SOX18: variants seen among roughly 807,000 people sequenced by gnomAD.
SOX18 encodes transcription factor SOX-18.
Under a neutral mutation model 9.1 loss-of-function variants are expected in SOX18, and 2 were observed. The ratio of observed to expected loss-of-function variants is 0.22; its 90% confidence interval spans 0.09 to 0.69. The LOEUF is 0.69. SOX18 is among the 30% of genes least tolerant of loss of function. SOX18 has a pLI of 0.80. For synonymous variants in SOX18, 292 were observed against 280.5 expected (o/e 1.04, Z -0.41); for missense variants, 542 against 567.3 (o/e 0.96, Z 0.45).
Position 64,049,556 on chromosome 20 carries a change from CGCGGCGGGCGG to C in SOX18, c.-51_-41del, listed in dbSNP as rs1285784946. On this transcript the variant is annotated 5_prime_UTR_variant, in exon 1 of 2. Transcript: ENST00000340356. ...GCCTGGGCGGAACGGAGCGCGGGAGCGCGGCGGGCGGGCGGCGGGCACTGGGGAGCCGGGCG... is the reference window on the plus strand; with the variant it reads ...GCCTGGGCGGAACGGAGCGCGGGAGCGCGGCGGGCACTGGGGAGCCGGGCG... 4 of 1,035,806 alleles carry C rather than the reference CGCGGCGGGCGG, an allele frequency of 3.9e-6. No homozygotes were observed. The highest frequency in any genetic ancestry group is 1.7e-5 in the African/African-American group (1 of 57,158). 64.2% of individuals were successfully genotyped at this position (1,035,806 alleles called of 1,614,324 possible).
Position 64,048,083 on chromosome 20 carries a change from G to A in SOX18, c.*83C>T, listed in dbSNP as rs1196908699. On this transcript the variant is annotated 3_prime_UTR_variant, in exon 2 of 2. Transcript: ENST00000340356. ...GAACCAAACATACACGCGTATGAGA[G>A]AGCAGAGCGGCAGCGACGCGGTCGG... 7.0e-6 allele frequency: 9 copies of A among 1,288,888 alleles called. No homozygotes were observed. Among genetic ancestry groups the A allele is most frequent in the African/African-American group, 5.9e-5 (4 of 67,960 alleles). 79.8% of individuals were successfully genotyped at this position (1,288,888 alleles called of 1,614,324 possible). A position where few individuals can be genotyped will look rare whatever the true frequency, so the allele number is the denominator to read the frequency against.
Position 64,048,575 on chromosome 20 carries a change from T to C in SOX18, c.746A>G (p.Tyr249Cys). ...GTCCCGCGACAACTCGGTGGGCGCG[T>C]AGGGCGCGCGGAAGGGCCGCAGCGC... ...DCALRPFRAPYAPTELSRDPG... is the reference protein window; with the variant it reads ...DCALRPFRAPCAPTELSRDPG... Residue 249 changes from tyrosine to cysteine, a missense_variant, in exon 2 of 2, where the codon TAC (tyrosine) becomes TGC (cysteine). Coordinates refer to ENST00000340356, the MANE Select transcript of SOX18 (RefSeq NM_018419.3). 1.6e-6 allele frequency: 2 copies of C among 1,227,748 alleles called. No homozygotes were observed. Among genetic ancestry groups the C allele is most frequent in the Non-Finnish European group, 2.0e-6 (2 of 987,134 alleles). 76.1% of individuals were successfully genotyped at this position (1,227,748 alleles called of 1,614,324 possible).
In SOX18 at chr20:64,048,589, G is replaced by A. The variant is rs1473859548; in HGVS notation, c.732C>T (p.Pro244=). The A allele has an allele frequency of 1.3e-5, 16 of 1,233,710 alleles. No individual in the cohort carries two copies. The highest frequency in any genetic ancestry group is 3.6e-5 in the South Asian group (1 of 27,946). The allele number at this position is 1,233,710 out of a possible 1,614,324, so 76.4% of individuals were successfully genotyped here. A position where few individuals can be genotyped will look rare whatever the true frequency, so the allele number is the denominator to read the frequency against. ...CGGTGGGCGCGTAGGGCGCGCGGAA[G>A]GGCCGCAGCGCGCAGTCCTCGGGCG... ...PAAPEDCALR[P]FRAPYAPTEL... The change falls in exon 2 of 2, where the codon CCC becomes CCT. Residue 244 remains proline (P), a synonymous_variant. Transcript: ENST00000340356.
At position 64,048,982 on chromosome 20, in the gene SOX18, G is replaced by A. The variant is rs777447475; in HGVS notation, c.359-20C>T. ...CTTTGCCTGCGGGCCGTGGGCGCCA[G>A]TGAGTGGAACGCCGTCGGGCGGGTG... On this transcript the variant is annotated intron_variant, in intron 1 of 1. Coordinates refer to ENST00000340356, the MANE Select transcript of SOX18 (RefSeq NM_018419.3). 2.0e-5 allele frequency: 31 copies of A among 1,572,304 alleles called. No individual in the cohort carries two copies. The highest frequency in any genetic ancestry group is 2.5e-5 in the Non-Finnish European group (29 of 1,167,448).
rs138553383 is a variant in SOX18 at position 64,049,284 on chromosome 20, T to A, written c.233A>T (p.Gln78Leu). ...GLSPAGRGER[Q>L]AADESRIRRP... ...CCGGATGCGCGACTCGTCTGCCGCCTGGCGTTCCCCGCGGCCGGCCGGGCT... is the reference window on the plus strand; with the variant it reads ...CCGGATGCGCGACTCGTCTGCCGCCAGGCGTTCCCCGCGGCCGGCCGGGCT... The change falls in exon 1 of 2, where the codon CAG (glutamine) becomes CTG (leucine). Residue 78 changes from glutamine (Q) to leucine (L), a missense_variant. Gln to Leu is a moderately radical substitution (Grantham distance 113). Transcript: ENST00000340356. The A allele has an allele frequency of 1.7e-5, 25 of 1,500,854 alleles. No individual in the cohort carries two copies. The African/African-American group carries it at 3.4e-4, about 20-fold the overall frequency. The allele number at this position is 1,500,854 out of a possible 1,614,324, so 93.0% of individuals were successfully genotyped here.
chr20:64,049,531 G>A lies in SOX18; in HGVS notation c.-15C>T. ...GATCTCTGCATTCCAGCTGGGCGCG[G>A]CCTGGGCGGAACGGAGCGCGGGAGC... On this transcript the variant is annotated 5_prime_UTR_variant, in exon 1 of 2. Coordinates refer to ENST00000340356, the MANE Select transcript of SOX18 (RefSeq NM_018419.3). 9.3e-7 allele frequency: 1 copy of A among 1,070,454 alleles called. No homozygotes were observed. Among genetic ancestry groups the A allele is most frequent in the East Asian group, 6.7e-5 (1 of 14,946 alleles). 66.3% of individuals were successfully genotyped at this position (1,070,454 alleles called of 1,614,324 possible).
rs777732531 is a variant in SOX18 at position 64,048,358 on chromosome 20, G to T, written c.963C>A (p.Asp321Glu). 2 of 1,585,266 alleles carry T rather than the reference G, an allele frequency of 1.3e-6. No homozygotes were observed. Among genetic ancestry groups the T allele is most frequent in the East Asian group, 4.6e-5 (2 of 43,322 alleles). The change falls in exon 2 of 2, where the codon GAC becomes GAA. Residue 321 changes from aspartate to glutamate, a missense_variant. Physicochemically the swap from Asp to Glu is conservative, Grantham distance 45. Transcript: ENST00000340356. ...ACTGGTCGAACTCGGTGAGGTCCAC[G>T]TCGGCCCACAGATCGGCGGCGGGCC... is the stretch of plus-strand genomic sequence containing the variant. ...PLGPAADLWA[D>E]VDLTEFDQYL... is the part of the protein sequence containing the mutation.
chr20:64,049,091 C>CA (rs2059416222), intron 1 of SOX18, 68 bp downstream of exon 1: 2 of 877,486 alleles, frequency 2.3e-6, no homozygotes, highest in Admixed American at 4.7e-5. Context: ...CCCCTGCCCC[C>CA]CCCGCCCCAC....
Position 64,049,259 on chromosome 20 carries a change from C to A in SOX18, c.258G>T (p.Arg86=). The A allele has an allele frequency of 6.6e-7, 1 of 1,524,432 alleles. No homozygotes were observed. Among genetic ancestry groups the A allele is most frequent in the Non-Finnish European group, 8.8e-7 (1 of 1,130,230 alleles). 94.4% of individuals were successfully genotyped at this position (1,524,432 alleles called of 1,614,324 possible). ...ACACCATGAAGGCGTTCATGGGCCG[C>A]CGGATGCGCGACTCGTCTGCCGCCT... The part of the protein sequence containing the change: ...ERQAADESRI[R]RPMNAFMVWA... The change falls in exon 1 of 2, where the codon CGG becomes CGT. Residue 86 remains arginine, a synonymous_variant. Transcript: ENST00000340356.
At position 64,048,407 on chromosome 20, in the gene SOX18, G is replaced by A; in HGVS notation, c.914C>T (p.Pro305Leu). 2 of 1,507,008 alleles carry A rather than the reference G, an allele frequency of 1.3e-6. No individual in the cohort carries two copies. Among genetic ancestry groups the A allele is most frequent in the Non-Finnish European group, 1.8e-6 (2 of 1,132,376 alleles). The allele number at this position is 1,507,008 out of a possible 1,614,324, so 93.4% of individuals were successfully genotyped here. A position where few individuals can be genotyped will look rare whatever the true frequency, so the allele number is the denominator to read the frequency against. ...CCCCAGCGGCTCGGCGCTCTCCAGC[G>A]GCGGGGCCTCGGGCGGCGGCGACAG... is the stretch of plus-strand genomic sequence containing the variant. ...GPLSPPPEAP[P>L]LESAEPLGPA... Residue 305 changes from proline to leucine, a missense_variant, in exon 2 of 2, where the codon CCG becomes CTG. Transcript: ENST00000340356.
At chr20:64,049,131 C>G (rs745498486) in intron 1 of SOX18, 28 bp downstream of exon 1, 168 of 1,395,520 alleles carry the variant, frequency 1.2e-4, no homozygotes, top group Non-Finnish European at 1.6e-4. Flanking sequence ...GCCCTCTCCC[C>G]CTTCTCTGCC....
rs778719333 is a variant in SOX18, at chr20:64,048,162, C to A, written c.*4G>T. ...GCTGCAGGGACCCGGGCGGCGCCGG[C>A]GGCCTAGCCGGAGATGCACGCGCTG... On this transcript the variant is annotated 3_prime_UTR_variant, in exon 2 of 2. Coordinates refer to ENST00000340356, the MANE Select transcript of SOX18 (RefSeq NM_018419.3). 1 of 1,542,402 alleles carries A rather than the reference C, an allele frequency of 6.5e-7. No homozygotes were observed. The highest frequency in any genetic ancestry group is 8.7e-7 in the Non-Finnish European group (1 of 1,148,628).
Position 64,048,557 on chromosome 20 carries a change from G to C in SOX18, c.764C>G (p.Ser255Trp). ...FRAPYAPTEL[S>W]RDPGGCYGAP... ...CCCGTAGCAACCGCCGGGGTCCCGC[G>C]ACAACTCGGTGGGCGCGTAGGGCGC... The change falls in exon 2 of 2, where the codon TCG becomes TGG. Residue 255 changes from serine (S) to tryptophan (W), a missense_variant. Transcript: ENST00000340356. 8.2e-7 allele frequency: 1 copy of C among 1,223,598 alleles called. No homozygotes were observed. Among genetic ancestry groups the C allele is most frequent in the Non-Finnish European group, 1.0e-6 (1 of 984,280 alleles). The allele number at this position is 1,223,598 out of a possible 1,614,324, so 75.8% of individuals were successfully genotyped here.
Position 64,048,663 on chromosome 20 carries a change from G to C in SOX18, c.658C>G (p.Leu220Val), listed in dbSNP as rs901541856. 3 of 1,309,534 alleles carry C rather than the reference G, an allele frequency of 2.3e-6. No individual in the cohort carries two copies. The highest frequency in any genetic ancestry group is 8.5e-5 in the Admixed American group (2 of 23,654). 81.1% of individuals were successfully genotyped at this position (1,309,534 alleles called of 1,614,324 possible). A position where few individuals can be genotyped will look rare whatever the true frequency, so the allele number is the denominator to read the frequency against. ...LGLPTPERSP[L>V]DGLEPGEAAF... ...GCCTCGCCGGGCTCCAGGCCGTCCA[G>C]AGGCGAGCGCTCGGGCGTGGGCAGC... The change falls in exon 2 of 2, where the codon CTG becomes GTG. Residue 220 changes from leucine to valine, a missense_variant. Leu to Val is a conservative substitution (Grantham distance 32, BLOSUM62 1). Transcript: ENST00000340356.
intron 1 of SOX18, 69 bp downstream of exon 1, chr20:64,049,090 C>CG (rs1202355574): frequency 2.4e-6 from 2 of 842,608 alleles, no homozygotes; most frequent in Non-Finnish European, 3.1e-6. Flanking sequence ...ACCCCTGCCC[C>CG]CCCCGCCCCA....
chr20:64,049,421 C>T lies in SOX18; in HGVS notation c.96G>A (p.Thr32=). 1.0e-6 allele frequency: 1 copy of T among 985,064 alleles called. No individual in the cohort carries two copies. Among genetic ancestry groups the T allele is most frequent in the Admixed American group, 6.3e-5 (1 of 15,766 alleles). The allele number at this position is 985,064 out of a possible 1,614,324, so 61.0% of individuals were successfully genotyped here. A position where few individuals can be genotyped will look rare whatever the true frequency, so the allele number is the denominator to read the frequency against. The change falls in exon 1 of 2, where the codon ACG becomes ACA. Residue 32 remains threonine, a synonymous_variant. Coordinates refer to ENST00000340356, the MANE Select transcript of SOX18 (RefSeq NM_018419.3). ...CGGCGGGGCCGGCGGCGAGGCCGCGCGTGTCAGCGGCGGCCCCGTGTCCCG... is the reference window on the plus strand; with the variant it reads ...CGGCGGGGCCGGCGGCGAGGCCGCGTGTGTCAGCGGCGGCCCCGTGTCCCG... The part of the protein sequence containing the change: ...WAPGHGAAAD[T]RGLAAGPAAL...
chr20:64,048,646 G>T lies in SOX18; in HGVS notation c.675C>A (p.Pro225=), dbSNP rs1413408779. The T allele has an allele frequency of 4.7e-6, 6 of 1,265,822 alleles. No individual in the cohort carries two copies. The South Asian group carries it at 1.7e-4, about 37-fold the overall frequency. The allele number at this position is 1,265,822 out of a possible 1,614,324, so 78.4% of individuals were successfully genotyped here. A position where few individuals can be genotyped will look rare whatever the true frequency, so the allele number is the denominator to read the frequency against. Residue 225 remains proline (P), a synonymous_variant, in exon 2 of 2, where the codon CCC becomes CCA. Transcript: ENST00000340356. ...PERSPLDGLE[P]GEAAFFPPPA... is the part of the protein sequence containing the mutation. Reference sequence around the variant, plus strand: ...GCGGTGGGAAGAAGGCAGCCTCGCCGGGCTCCAGGCCGTCCAGAGGCGAGC... The same window carrying T: ...GCGGTGGGAAGAAGGCAGCCTCGCCTGGCTCCAGGCCGTCCAGAGGCGAGC...
rs1283939201 is a variant in SOX18 at position 64,049,424 on chromosome 20, G to A, written c.93C>T (p.Asp31=). The A allele has an allele frequency of 1.0e-6, 1 of 994,780 alleles. No individual in the cohort carries two copies. The highest frequency in any genetic ancestry group is 1.2e-6 in the Non-Finnish European group (1 of 838,098). 61.6% of individuals were successfully genotyped at this position (994,780 alleles called of 1,614,324 possible). The part of the protein sequence containing the change: ...AWAPGHGAAA[D]TRGLAAGPAA... Reference sequence around the variant, plus strand: ...CGGGGCCGGCGGCGAGGCCGCGCGTGTCAGCGGCGGCCCCGTGTCCCGGGG... The same window carrying A: ...CGGGGCCGGCGGCGAGGCCGCGCGTATCAGCGGCGGCCCCGTGTCCCGGGG... The change falls in exon 1 of 2, where the codon GAC becomes GAT. Residue 31 remains aspartate, a synonymous_variant. Transcript: ENST00000340356.
rs1361253221 is a variant in SOX18, at chr20:64,048,064, AACATAC to A, written c.*96_*101del. On this transcript the variant is annotated 3_prime_UTR_variant, in exon 2 of 2. Coordinates refer to ENST00000340356, the MANE Select transcript of SOX18 (RefSeq NM_018419.3). ...CCTAGGGGGCTGTGACATGGAACCA[AACATAC>A]ACGCGTATGAGAGAGCAGAGCGGCA... 1 of 1,174,556 alleles carries A rather than the reference AACATAC, an allele frequency of 8.5e-7. No individual in the cohort carries two copies. Among genetic ancestry groups the A allele is most frequent in the African/African-American group, 1.5e-5 (1 of 65,782 alleles). The allele number at this position is 1,174,556 out of a possible 1,614,324, so 72.8% of individuals were successfully genotyped here.
Sources: allele counts gnomAD v4.1 joint callset, GRCh38; gene constraint gnomAD v4.1.1; transcripts MANE v1.5; gene names NCBI Gene and HGNC (gene_info 2026-07-23, HGNC 2026-07-21).